Variants in ZNF385D observed in about 807,000 individuals in gnomAD.
ZNF385D encodes the protein zinc finger protein 385D.
Under a neutral mutation model 35.8 loss-of-function variants are expected in ZNF385D, and 15 were observed. That is an observed-to-expected ratio of 0.42 (90% confidence interval 0.28 to 0.64). The LOEUF (loss-of-function observed/expected upper bound fraction) is 0.64, where lower values mean the gene tolerates loss of function less well. Among genes scored for constraint, ZNF385D ranks in the 30% least tolerant of loss-of-function variants. ZNF385D has a pLI of 0.23. For missense variants in ZNF385D, 474 were observed against 494.6 expected (o/e 0.96, Z 0.39); for synonymous variants, 212 against 186.8 (o/e 1.13, Z -1.10).
chr3:21,746,610 G>A (rs998826300), intron 1 of ZNF385D, among the ~76,000 whole-genome samples: 3 of 152,142 alleles, frequency 2.0e-5, no homozygotes, highest in African/African-American at 7.2e-5. Flanking sequence ...CGCTTTAAAA[G>A]GGGGACTTTA....
chr3:21,876,719 G>A (rs574307010), intron 3 of ZNF385D, among the ~76,000 whole-genome samples: 1 of 151,472 alleles, frequency 6.6e-6, no homozygotes, highest in African/African-American at 2.4e-5. Context: ...ACCAATTAAA[G>A]TTATCCAAAA....
At chr3:22,325,611 C>A (rs1450264312) in intron 2 of ZNF385D, among the ~76,000 whole-genome samples, 1 of 152,038 alleles carries the variant, frequency 6.6e-6, no homozygotes, top group South Asian at 2.1e-4. Flanking sequence ...TTATAAAACT[C>A]AGCCGGGCAT....
intron 2 of ZNF385D, among the ~76,000 whole-genome samples, chr3:22,169,611 T>C (rs556989439): frequency 6.6e-6 from 1 of 152,336 alleles, no homozygotes; most frequent in East Asian, 1.9e-4. Flanking sequence ...TTTTATATTT[T>C]ATACCTGACA....
At chr3:21,924,002 T>G (rs1700603412) in intron 3 of ZNF385D, among the ~76,000 whole-genome samples, 1 of 152,172 alleles carries the variant, frequency 6.6e-6, no homozygotes, top group Non-Finnish European at 1.5e-5. Flanking sequence ...TGCTGAAAAC[T>G]TAAAACAATA....
intron 2 of ZNF385D, among the ~76,000 whole-genome samples, chr3:22,283,895 C>A (rs1386461183): frequency 1.3e-5 from 2 of 152,166 alleles, no homozygotes; most frequent in African/African-American, 2.4e-5. Context: ...CTAGTGACAT[C>A]TGACCCTCAA....
intron 2 of ZNF385D, among the ~76,000 whole-genome samples, chr3:21,578,119 A>G (rs1288723824): frequency 6.6e-6 from 1 of 151,866 alleles, no homozygotes. Flanking sequence ...CCCCACATTT[A>G]TATGTTTTCT....
At chr3:22,022,877 C>A (rs934760142) in intron 3 of ZNF385D, among the ~76,000 whole-genome samples, 4 of 152,064 alleles carry the variant, frequency 2.6e-5, no homozygotes, top group Admixed American at 1.3e-4. Flanking sequence ...TCCACTTTGG[C>A]TTGTTTCTTT....
chr3:22,226,639 G>A (rs985087562), intron 2 of ZNF385D, among the ~76,000 whole-genome samples: 1 of 152,162 alleles, frequency 6.6e-6, no homozygotes, highest in Non-Finnish European at 1.5e-5. Flanking sequence ...GCTTTGCTAT[G>A]ATATTCTTTC....
intron 3 of ZNF385D, among the ~76,000 whole-genome samples, chr3:21,975,747 A>ATATC: frequency 9.2e-6 from 1 of 108,352 alleles, no homozygotes; most frequent in Admixed American, 8.7e-5. Flanking sequence ...ATATATATAT[A>ATATC]TATATATACA....
At chr3:21,688,051 A>T (rs1197822799) in intron 1 of ZNF385D, among the ~76,000 whole-genome samples, 3 of 151,852 alleles carry the variant, frequency 2.0e-5, no homozygotes, top group South Asian at 2.1e-4. Context: ...TGGCCAGAAA[A>T]TTTTTTTTAA....
chr3:21,826,768 A>G (rs1208560545), intron 3 of ZNF385D, among the ~76,000 whole-genome samples: 1 of 151,598 alleles, frequency 6.6e-6, no homozygotes, highest in Non-Finnish European at 1.5e-5. Context: ...AGAATTCTCT[A>G]CTGTTCACAT....
intron 4 of ZNF385D, among the ~76,000 whole-genome samples, chr3:21,479,927 G>C (rs1401378335): frequency 6.6e-6 from 1 of 151,842 alleles, no homozygotes; most frequent in Non-Finnish European, 1.5e-5. Flanking sequence ...TATTCCTTTT[G>C]GTCTGCTTTT....
chr3:21,461,733 A>G (rs1339530310), intron 4 of ZNF385D, among the ~76,000 whole-genome samples: 2 of 152,244 alleles, frequency 1.3e-5, no homozygotes, highest in Non-Finnish European at 2.9e-5. Flanking sequence ...GTCTCTAGCC[A>G]TTTGAAATCA....
intron 3 of ZNF385D, among the ~76,000 whole-genome samples, chr3:22,030,777 T>C (rs1054058368): frequency 6.6e-6 from 1 of 152,172 alleles, no homozygotes; most frequent in Admixed American, 6.5e-5. Context: ...AAGTCTTAAC[T>C]CATTCCAGCA....
intron 2 of ZNF385D, among the ~76,000 whole-genome samples, chr3:22,202,240 A>G (rs973733180): frequency 6.6e-6 from 1 of 152,142 alleles, no homozygotes; most frequent in African/African-American, 2.4e-5. Context: ...GAACCTATCA[A>G]TAAGCTTTAT....
chr3:21,958,379 C>G (rs958991396), intron 3 of ZNF385D, among the ~76,000 whole-genome samples: 3 of 152,042 alleles, frequency 2.0e-5, no homozygotes, highest in Non-Finnish European at 4.4e-5. Context: ...AAGTTTCATA[C>G]CTCAAAATCC....
chr3:22,367,280 C>T (rs1194033828), intron 2 of ZNF385D, among the ~76,000 whole-genome samples: 4 of 152,098 alleles, frequency 2.6e-5, no homozygotes, highest in African/African-American at 9.7e-5. Flanking sequence ...GGTGCAATAA[C>T]TTGATTAAAT....
chr3:21,472,937 T>TA (rs1704000173), intron 4 of ZNF385D, among the ~76,000 whole-genome samples: 1 of 152,134 alleles, frequency 6.6e-6, no homozygotes, highest in African/African-American at 2.4e-5. Flanking sequence ...CTAAACTTAA[T>TA]TTGTCTAGAG....
At chr3:21,779,818 T>A (rs2071422821) in intron 3 of ZNF385D, among the ~76,000 whole-genome samples, 3 of 151,950 alleles carry the variant, frequency 2.0e-5, no homozygotes, top group Non-Finnish European at 4.4e-5. Flanking sequence ...GGCTTTAGAT[T>A]TAGGGAGGAT....
Sources: allele counts gnomAD v4.1 joint callset (sites outside exome capture counted in the v4.1 genomes callset), GRCh38; gene constraint gnomAD v4.1.1; transcripts MANE v1.5; gene names NCBI Gene and HGNC (gene_info 2026-07-23, HGNC 2026-07-21).